The following MRPL3 variants were observed in gnomAD, a reference collection of about 807,000 sequenced individuals.
The protein encoded by MRPL3 is mitochondrial ribosomal protein L3, also known as large ribosomal subunit protein uL3m.
In MRPL3, 43 loss-of-function variants were observed where a neutral mutation model predicts 44.3. The observed-to-expected ratio is 0.97, with a 90% confidence interval of 0.76 to 1.25. The LOEUF (loss-of-function observed/expected upper bound fraction) is 1.25. Ranked by LOEUF, MRPL3 falls within the 50% of genes most tolerant of loss-of-function variation. The pLI is 0.00. For missense variants in MRPL3, 406 were observed against 427.6 expected, an observed-to-expected ratio of 0.95 and a Z score of 0.45; for synonymous variants, 171 against 152.3, an observed-to-expected ratio of 1.12 and a Z score of -0.91.
intron 6 of MRPL3, among the ~76,000 whole-genome samples, chr3:131,474,098 T>C (rs571944322): frequency 1.3e-4 from 20 of 152,136 alleles, no homozygotes; most frequent in South Asian, 4.1e-4. Context: ...TGAAGAGATA[T>C]CTTGTATTTA....
intron 4 of MRPL3, among the ~76,000 whole-genome samples, chr3:131,493,891 T>C (rs1417540607): frequency 6.6e-6 from 1 of 152,218 alleles, no homozygotes; most frequent in African/African-American, 2.4e-5. Context: ...CAAAGTATCC[T>C]TCCCCCAAAT....
At chr3:131,499,016 C>G (rs1934434337) in intron 3 of MRPL3, among the ~76,000 whole-genome samples, 1 of 152,162 alleles carries the variant, frequency 6.6e-6, no homozygotes, top group Non-Finnish European at 1.5e-5. Context: ...CTGAGGTTCA[C>G]TAAAGTTTGA....
At chr3:131,486,879 A>G (rs1008127979) in intron 6 of MRPL3, among the ~76,000 whole-genome samples, 2 of 152,164 alleles carry the variant, frequency 1.3e-5, no homozygotes, top group Non-Finnish European at 2.9e-5. Context: ...TTCAACCATT[A>G]TGGAAGACAG....
At chr3:131,463,798 T>C (rs1450770185) in intron 9 of MRPL3, among the ~76,000 whole-genome samples, 1 of 152,174 alleles carries the variant, frequency 6.6e-6, no homozygotes, top group Non-Finnish European at 1.5e-5. Context: ...TGGAAAACAT[T>C]ATTGGATTCT....
rs1404856598 is a variant in MRPL3 at position 131,502,870 on chromosome 3, T to C, written c.-49A>G. ...TCACGACTTCCGGGCGCCCTGCCGCTCTGCTTTCAGGGAGTCCCCACGCCA... is the reference window on the plus strand; with the variant it reads ...TCACGACTTCCGGGCGCCCTGCCGCCCTGCTTTCAGGGAGTCCCCACGCCA... On this transcript the variant is annotated 5_prime_UTR_variant, in exon 1 of 10. Coordinates refer to ENST00000264995, the MANE Select transcript of MRPL3 (RefSeq NM_007208.4). 6.4e-7 allele frequency: 1 copy of C among 1,572,128 alleles called. No homozygotes were observed. The highest frequency in any genetic ancestry group is 1.1e-5 in the South Asian group (1 of 88,276).
intron 4 of MRPL3, 107 bp downstream of exon 4, chr3:131,498,072 C>G: frequency 2.3e-6 from 2 of 864,760 alleles, no homozygotes; most frequent in Non-Finnish European, 3.8e-6. Context: ...ATTTACCTCA[C>G]AAACAAATGC....
intron 6 of MRPL3, 180 bp downstream of exon 6, chr3:131,487,500 A>G: frequency 3.4e-6 from 2 of 588,554 alleles, no homozygotes; most frequent in Non-Finnish European, 6.0e-6. Flanking sequence ...AACCCTTTAC[A>G]TACAATTAAT....
chr3:131,479,545 A>G (rs4854878), intron 6 of MRPL3, among the ~76,000 whole-genome samples: 57,649 of 152,034 alleles, frequency 0.38, 12,615 homozygotes, highest in Non-Finnish European at 0.5. Flanking sequence ...AAAACAGATT[A>G]GAATTAAGAT....
At chr3:131,472,617 G>T (rs1933764539) in intron 6 of MRPL3, among the ~76,000 whole-genome samples, 1 of 151,970 alleles carries the variant, frequency 6.6e-6, no homozygotes, top group Non-Finnish European at 1.5e-5. Flanking sequence ...GAAATAAAAG[G>T]TATCCAAATT....
chr3:131,465,329 G>A (rs933854924), intron 9 of MRPL3, among the ~76,000 whole-genome samples: 2 of 152,128 alleles, frequency 1.3e-5, no homozygotes, highest in East Asian at 3.8e-4. Context: ...TGAAGTAGGC[G>A]ATAAATCTGA....
intron 4 of MRPL3, among the ~76,000 whole-genome samples, chr3:131,494,079 T>C (rs1934313495): frequency 6.6e-6 from 1 of 152,230 alleles, no homozygotes; most frequent in East Asian, 1.9e-4. Context: ...AGTTTAATTT[T>C]TGGATCAGTC....
intron 3 of MRPL3, 92 bp downstream of exon 3, chr3:131,500,338 A>C: frequency 1.0e-6 from 1 of 994,106 alleles, no homozygotes; most frequent in Non-Finnish European, 1.6e-6. Context: ...ATACAGTTCC[A>C]TGTTTCAGGA....
At chr3:131,498,535 T>C (rs1934420434) in intron 3 of MRPL3, among the ~76,000 whole-genome samples, 1 of 151,488 alleles carries the variant, frequency 6.6e-6, no homozygotes, top group African/African-American at 2.4e-5. Flanking sequence ...ACCCCATCTC[T>C]ACTAAAAATA....
At chr3:131,497,296 T>C (rs1559832875) in intron 4 of MRPL3, among the ~76,000 whole-genome samples, 2 of 152,216 alleles carry the variant, frequency 1.3e-5, no homozygotes, top group Non-Finnish European at 2.9e-5. Context: ...GAAAAGTTTA[T>C]ATAAAGTAAC....
intron 6 of MRPL3, among the ~76,000 whole-genome samples, chr3:131,480,823 T>TAA (rs1933967153): frequency 1.3e-5 from 2 of 152,244 alleles, no homozygotes; most frequent in Non-Finnish European, 2.9e-5. Context: ...ATTATTTCTT[T>TAA]AGTATAGATA....
chr3:131,477,797 C>G (rs971866247), intron 6 of MRPL3, among the ~76,000 whole-genome samples: 1 of 152,178 alleles, frequency 6.6e-6, no homozygotes, highest in Non-Finnish European at 1.5e-5. Flanking sequence ...TTCTTAACAT[C>G]GGTGTTTAGA....
At position 131,498,161 on chromosome 3, in the gene MRPL3, ATGAAAATACATCCT is replaced by A. The variant is rs762437916; in HGVS notation, c.468+4_468+17del. On this transcript the variant is annotated splice_donor_5th_base_variant and intron_variant, in intron 4 of 9. Coordinates refer to ENST00000264995, the MANE Select transcript of MRPL3 (RefSeq NM_007208.4). Reference sequence around the variant, plus strand: ...TGATGAAAAATGCAGTATTCTAGCTATGAAAATACATCCTTACACGAAAACGTGATACAGTTTTT... The same window carrying A: ...TGATGAAAAATGCAGTATTCTAGCTATACACGAAAACGTGATACAGTTTTT... 6.6e-7 allele frequency: 1 copy of A among 1,508,626 alleles called. No homozygotes were observed. The highest frequency in any genetic ancestry group is 1.1e-5 in the South Asian group (1 of 88,398). 93.5% of individuals were successfully genotyped at this position (1,508,626 alleles called of 1,614,324 possible). A position where few individuals can be genotyped will look rare whatever the true frequency, so the allele number is the denominator to read the frequency against.
chr3:131,477,643 A>T (rs1933884551), intron 6 of MRPL3, among the ~76,000 whole-genome samples: 1 of 152,318 alleles, frequency 6.6e-6, no homozygotes, highest in Middle Eastern at 3.4e-3. Flanking sequence ...CTCCTCTGAC[A>T]ACTCCAATAG....
intron 3 of MRPL3, 31 bp downstream of exon 3, chr3:131,500,399 A>G (rs150199118): frequency 5.9e-6 from 9 of 1,533,796 alleles, no homozygotes; most frequent in Middle Eastern, 1.7e-4. Context: ...AAACACATAG[A>G]TATCTCTTAC....
Sources: gnomAD v4.1 joint callset for allele counts (sites outside exome capture counted in the v4.1 genomes callset) on GRCh38, gnomAD v4.1.1 for gene constraint, MANE v1.5 for transcripts, NCBI Gene and HGNC (gene_info 2026-07-23, HGNC 2026-07-21) for gene names.